The following OGDH variants were observed in gnomAD, a reference collection of about 807,000 sequenced individuals.
OGDH encodes 2-oxoglutarate dehydrogenase complex component E1.
Under a neutral mutation model 116.6 loss-of-function variants are expected in OGDH, and 38 were observed. The ratio of observed to expected loss-of-function variants is 0.33; its 90% confidence interval spans 0.25 to 0.43. The LOEUF is 0.43. Ranked by LOEUF, OGDH falls within the 20% of genes least tolerant of loss-of-function variation. The pLI, the probability that OGDH is intolerant of heterozygous loss-of-function variation, is 1.00. For synonymous variants in OGDH, 488 were observed against 533.3 expected (o/e 0.92, Z 1.17); for missense variants, 825 against 1,357.2 (o/e 0.61, Z 6.16).
intron 9 of OGDH, among the ~76,000 whole-genome samples, chr7:44,679,153 T>G (rs1787820647): frequency 6.6e-6 from 1 of 152,130 alleles, no homozygotes; most frequent in Non-Finnish European, 1.5e-5. Context: ...ATCACCAGGA[T>G]GATCAAGAGC....
At chr7:44,638,444 C>T (rs1785773588) in intron 2 of OGDH, among the ~76,000 whole-genome samples, 1 of 152,184 alleles carries the variant, frequency 6.6e-6, no homozygotes, top group Admixed American at 6.5e-5. Context: ...TTGATGGTAG[C>T]ATGCTATTAG....
In OGDH at chr7:44,624,405, A is replaced by C. The variant is rs1785122769; in HGVS notation, c.62A>C (p.Lys21Thr). The C allele has an allele frequency of 1.9e-6, 3 of 1,611,826 alleles. No homozygotes were observed. In the East Asian group the frequency reaches 6.7e-5, roughly 36 times the overall value. ...CCATTGACGGCTTCCCAGACTGTTAAGACATTTTCACAAAACAGACCAGCA... is the reference window on the plus strand; with the variant it reads ...CCATTGACGGCTTCCCAGACTGTTACGACATTTTCACAAAACAGACCAGCA... ...LRPLTASQTV[K>T]TFSQNRPAAA... Residue 21 changes from lysine (K) to threonine (T), a missense_variant, in exon 2 of 23, where the codon AAG (lysine) becomes ACG (threonine). Transcript: ENST00000222673.
chr7:44,696,940 G>T lies in OGDH; in HGVS notation c.1927G>T (p.Gly643Trp). ...GGLSRILKTRGEMVKNRTVDW... is the reference protein window; with the variant it reads ...GGLSRILKTRWEMVKNRTVDW... ...GCTGAGCCGGATCTTGAAGACTCGT[G>T]GGGAAATGGTGAAGAACCGGACTGT... The change falls in exon 15 of 23, where the codon GGG becomes TGG. Residue 643 changes from glycine to tryptophan, a missense_variant. By Grantham distance (184) the Gly-to-Trp change is radical (BLOSUM62 -2). Transcript: ENST00000222673. 6.2e-7 allele frequency: 1 copy of T among 1,613,584 alleles called. No individual in the cohort carries two copies.
chr7:44,695,129 T>G (rs960251876), intron 12 of OGDH, among the ~76,000 whole-genome samples: 5 of 152,052 alleles, frequency 3.3e-5, no homozygotes, highest in Non-Finnish European at 7.4e-5. Context: ...GGAGTCTAGC[T>G]CTGTCACCCA....
At chr7:44,618,421 G>A (rs571881985) in intron 1 of OGDH, among the ~76,000 whole-genome samples, 16 of 152,018 alleles carry the variant, frequency 1.1e-4, no homozygotes, top group Admixed American at 3.9e-4. Flanking sequence ...TCATTTCTCT[G>A]CCCCAGCCCC....
In OGDH at chr7:44,681,788, C is replaced by T. The variant is rs527318063; in HGVS notation, c.1275C>T (p.His425=). Residue 425 remains histidine, a synonymous_variant, in exon 10 of 23, where the codon CAC becomes CAT. Transcript: ENST00000222673. ...AGGGCATTGTGTACGAGACCTTCCACCTCAGCGACCTGCCATCCTACACAA... is the reference window on the plus strand; with the variant it reads ...AGGGCATTGTGTACGAGACCTTCCATCTCAGCGACCTGCCATCCTACACAA... ...AGQGIVYETF[H]LSDLPSYTTH... 5 of 1,614,128 alleles carry T rather than the reference C, an allele frequency of 3.1e-6. No homozygotes were observed. The South Asian group carries it at 4.4e-5, about 14-fold the overall frequency.
At chr7:44,695,988 C>G (rs770104014) in intron 12 of OGDH, 37 bp from the exon 13 acceptor site, 1 of 1,162,058 alleles carries the variant, frequency 8.6e-7, no homozygotes, top group African/African-American at 1.5e-5. Context: ...TAGTCATGCC[C>G]TGTGCCAGTC....
At chr7:44,614,981 C>A (rs970871476) in intron 1 of OGDH, among the ~76,000 whole-genome samples, 1 of 152,000 alleles carries the variant, frequency 6.6e-6, no homozygotes, top group African/African-American at 2.4e-5. Context: ...CAGGCATGTG[C>A]CACCATGCCA....
At chr7:44,695,680 T>A (rs975551207) in intron 12 of OGDH, among the ~76,000 whole-genome samples, 99 of 146,680 alleles carry the variant, frequency 6.7e-4, no homozygotes, top group African/African-American at 2.4e-3. Flanking sequence ...TCCAGCCTGG[T>A]GACAGAGCAT....
At chr7:44,666,069 TGC>T (rs1307290136) in intron 4 of OGDH, among the ~76,000 whole-genome samples, 3 of 152,186 alleles carry the variant, frequency 2.0e-5, no homozygotes, top group African/African-American at 7.2e-5. Context: ...TGCTGAGTAT[TGC>T]CTGCAGAATG....
Position 44,700,701 on chromosome 7 carries a change from G to A in OGDH, c.2559+432G>A, listed in dbSNP as rs568161609. Among the ~76,000 whole-genome samples the A allele has an allele frequency of 4.6e-5, 7 of 152,206 alleles. No homozygotes were observed. The South Asian group carries it at 1.0e-3, about 23-fold the overall frequency. ...GAGTAGAAGTTGAGTGGAGGGATACGTTGGAGAAGTGATTCATAAAAAGGA... is the reference window on the plus strand; with the variant it reads ...GAGTAGAAGTTGAGTGGAGGGATACATTGGAGAAGTGATTCATAAAAAGGA... On this transcript the variant is annotated intron_variant, in intron 19 of 22. Transcript: ENST00000222673.
At position 44,695,939 on chromosome 7, in the gene OGDH, G is replaced by A. The variant is rs527380958; in HGVS notation, c.1669-86G>A. 418 of 743,054 alleles carry A rather than the reference G, an allele frequency of 5.6e-4. 2 individuals are homozygous for A. Among genetic ancestry groups the A allele is most frequent in the Non-Finnish European group, 8.7e-4 (361 of 413,062 alleles). 46.0% of individuals were successfully genotyped at this position (743,054 alleles called of 1,614,324 possible). On this transcript the variant is annotated intron_variant, in intron 12 of 22. Transcript: ENST00000222673. ...GGGGTATGGTTGGGCTTGCGTGGTG[G>A]CTGTCAGAAAGTGTGGGGGTACAGG...
At chr7:44,645,086 T>C (rs1195932698) in intron 2 of OGDH, among the ~76,000 whole-genome samples, 1 of 152,094 alleles carries the variant, frequency 6.6e-6, no homozygotes, top group Non-Finnish European at 1.5e-5. Flanking sequence ...GGCATCTGTG[T>C]TATAGCTGTG....
At chr7:44,607,676 G>A (rs1194928951) in intron 1 of OGDH, among the ~76,000 whole-genome samples, 4 of 152,134 alleles carry the variant, frequency 2.6e-5, no homozygotes, top group Admixed American at 2.0e-4. Context: ...TTGGGAAGTT[G>A]AATAAAGATC....
At chr7:44,696,311 C>A in intron 13 of OGDH, 118 bp from the exon 14 acceptor site, 1 of 1,311,558 alleles carries the variant, frequency 7.6e-7, no homozygotes. Flanking sequence ...TTCTGGGGAA[C>A]ACAGTGTGAG....
chr7:44,631,268 G>C (rs1260670872), intron 2 of OGDH, among the ~76,000 whole-genome samples: 2 of 152,202 alleles, frequency 1.3e-5, no homozygotes, highest in Non-Finnish European at 2.9e-5. Flanking sequence ...TTTCAGCGAT[G>C]AGCTTTGAAG....
chr7:44,699,155 G>A (rs1042876233), intron 18 of OGDH, among the ~76,000 whole-genome samples: 4 of 148,612 alleles, frequency 2.7e-5, no homozygotes, highest in Non-Finnish European at 4.4e-5. Context: ...CTGGCCAGGC[G>A]CAGTGGCTCA....
chr7:44,631,885 A>G (rs1054249251), intron 2 of OGDH, among the ~76,000 whole-genome samples: 1 of 151,758 alleles, frequency 6.6e-6, no homozygotes, highest in Non-Finnish European at 1.5e-5. Context: ...AAAAAGAAAA[A>G]TAAATAAATA....
chr7:44,694,403 T>G lies in OGDH; in HGVS notation c.1516-21T>G. 1 of 1,612,824 alleles carries G rather than the reference T, an allele frequency of 6.2e-7. No individual in the cohort carries two copies. Among genetic ancestry groups the G allele is most frequent in the Non-Finnish European group, 8.5e-7 (1 of 1,179,512 alleles). On this transcript the variant is annotated intron_variant, in intron 11 of 22. Transcript: ENST00000222673. The surrounding 1 kb of genome is among the most constrained non-coding windows in gnomAD (Gnocchi z 4.2). ...AAGGGGCCAGCCCTTGTCTCTGACA[T>G]CCTCTCACTGCTCTGAGCAGGTGTG... is the stretch of plus-strand genomic sequence containing the variant.
Sources: allele counts gnomAD v4.1 joint callset (sites outside exome capture counted in the v4.1 genomes callset), GRCh38; gene constraint gnomAD v4.1.1; non-coding constraint Gnocchi (gnomAD v3.1); transcripts MANE v1.5; gene names NCBI Gene and HGNC (gene_info 2026-07-23, HGNC 2026-07-21).